The following LHFPL6 variants were observed in gnomAD, a reference collection of about 807,000 sequenced individuals.
LHFPL6 encodes LHFPL tetraspan subfamily member 6.
In LHFPL6, 9 loss-of-function variants were observed where a neutral mutation model predicts 20.6. The observed-to-expected ratio is 0.44, with a 90% CI of 0.26 to 0.76. The LOEUF (loss-of-function observed/expected upper bound fraction) is 0.76. Among genes scored for constraint, LHFPL6 ranks in the 30% least tolerant of loss-of-function variants. The probability of loss-of-function intolerance (pLI) is 0.20; values close to 1 mark genes in which losing one functional copy is unlikely to be tolerated. For synonymous variants in LHFPL6, 105 were observed against 98.7 expected (o/e 1.06, Z -0.38); for missense variants, 218 against 253.5 (o/e 0.86, Z 0.95).
At chr13:39,426,468 C>T (rs192181720) in intron 2 of LHFPL6, among the ~76,000 whole-genome samples, 26 of 152,254 alleles carry the variant, frequency 1.7e-4, no homozygotes, top group Middle Eastern at 3.4e-3. Context: ...GATCCACCCA[C>T]CTCGGCCTTC....
chr13:39,418,237 G>GA (rs1382502231), intron 2 of LHFPL6, among the ~76,000 whole-genome samples: 1 of 151,656 alleles, frequency 6.6e-6, no homozygotes, highest in Admixed American at 6.6e-5. Context: ...CATGGGATTT[G>GA]AAAAAAATGC....
chr13:39,431,318 A>T (rs1871793183), intron 2 of LHFPL6, among the ~76,000 whole-genome samples: 1 of 152,206 alleles, frequency 6.6e-6, no homozygotes, highest in African/African-American at 2.4e-5. Flanking sequence ...CTCCAGACAC[A>T]TCTGAACATC....
chr13:39,344,172 G>A lies in LHFPL6; in HGVS notation c.485-118C>T, dbSNP rs539979102. The A allele has an allele frequency of 3.8e-4, 265 of 690,062 alleles. 2 individuals are homozygous for A. Among genetic ancestry groups the A allele is most frequent in the Admixed American group, 5.7e-4 (21 of 36,908 alleles). 42.7% of individuals were successfully genotyped at this position (690,062 alleles called of 1,614,324 possible). On this transcript the variant is annotated intron_variant, in intron 3 of 3. Coordinates refer to ENST00000379589, the MANE Select transcript of LHFPL6 (RefSeq NM_005780.3). ...CACCCTTTAGGAATATGGTATCCTC[G>A]CTTAAATGGAATAATAATGTGCTGA... is the stretch of plus-strand genomic sequence containing the variant.
intron 2 of LHFPL6, among the ~76,000 whole-genome samples, chr13:39,390,357 G>A (rs1214121908): frequency 1.3e-5 from 2 of 151,954 alleles, no homozygotes; most frequent in South Asian, 2.1e-4. Context: ...AATTAGCCAC[G>A]CGTGGTGGTA....
chr13:39,449,271 T>C (rs750411902), intron 2 of LHFPL6, among the ~76,000 whole-genome samples: 11 of 152,210 alleles, frequency 7.2e-5, no homozygotes, highest in Non-Finnish European at 1.3e-4. Flanking sequence ...TGTACTTAAA[T>C]GGCAAACCAA....
chr13:39,371,374 AT>A lies in LHFPL6; in HGVS notation c.484+7053del, dbSNP rs1237795946. Among the ~76,000 whole-genome samples, 4 of 152,368 alleles carry A rather than the reference AT, an allele frequency of 2.6e-5. No individual in the cohort carries two copies. The East Asian group carries it at 7.7e-4, about 29-fold the overall frequency. On this transcript the variant is annotated intron_variant, in intron 3 of 3. Coordinates refer to ENST00000379589, the MANE Select transcript of LHFPL6 (RefSeq NM_005780.3). ...ATTAAATCAATTGGATAACCTGATTATAAAGCCCTTATGCTTAATGGGTAAA... is the reference window on the plus strand; with the variant it reads ...ATTAAATCAATTGGATAACCTGATTAAAAGCCCTTATGCTTAATGGGTAAA...
At chr13:39,506,192 T>C (rs990301804) in intron 2 of LHFPL6, among the ~76,000 whole-genome samples, 1 of 152,362 alleles carries the variant, frequency 6.6e-6, no homozygotes, top group Middle Eastern at 3.4e-3. Context: ...TATTCAGCTC[T>C]GGCTTCTGTG....
chr13:39,367,712 G>GA (rs1249532934), intron 3 of LHFPL6, among the ~76,000 whole-genome samples: 2 of 152,124 alleles, frequency 1.3e-5, no homozygotes, highest in African/African-American at 4.8e-5. Flanking sequence ...ATTCTCTCCA[G>GA]AAAAAAGCAC....
chr13:39,510,150 T>C lies in LHFPL6; in HGVS notation c.385+90682A>G, dbSNP rs539900344. Among the ~76,000 whole-genome samples, 31 of 152,314 alleles carry C rather than the reference T, an allele frequency of 2.0e-4. 1 individual carries two copies. In the South Asian group the frequency reaches 6.4e-3, roughly 32 times the overall value. ...GGTAACAATGAGGCGTAATGATAAA[T>C]ATGCATTGCTCTGGAGTCCTATACA... On this transcript the variant is annotated intron_variant, in intron 2 of 3. Transcript: ENST00000379589.
At chr13:39,348,079 G>A (rs1041630308) in intron 3 of LHFPL6, among the ~76,000 whole-genome samples, 26 of 152,330 alleles carry the variant, frequency 1.7e-4, no homozygotes, top group African/African-American at 5.8e-4. Context: ...GGCTATCAGA[G>A]GACAATGAGA....
chr13:39,568,343 T>C (rs188306073), intron 2 of LHFPL6, among the ~76,000 whole-genome samples: 1 of 152,214 alleles, frequency 6.6e-6, no homozygotes, highest in Admixed American at 6.5e-5. Flanking sequence ...TTGTGGTATA[T>C]GAATATTGGG....
At chr13:39,435,062 CAAAAAAAAAAAAAAAA>C (rs55701240) in intron 2 of LHFPL6, among the ~76,000 whole-genome samples, 1 of 53,358 alleles carries the variant, frequency 1.9e-5, no homozygotes, top group African/African-American at 8.4e-5. Flanking sequence ...GACTCCGTCT[CAAAAAAAAAAAAAAAA>C]AAAAAAAAAG....
At chr13:39,552,545 T>A (rs1346461780) in intron 2 of LHFPL6, among the ~76,000 whole-genome samples, 5 of 152,178 alleles carry the variant, frequency 3.3e-5, no homozygotes, top group Non-Finnish European at 5.9e-5. Flanking sequence ...AAGATTCCAC[T>A]TCATAAGGGA....
intron 2 of LHFPL6, among the ~76,000 whole-genome samples, chr13:39,431,332 A>C (rs1298288616): frequency 2.0e-5 from 3 of 152,174 alleles, no homozygotes. Context: ...GAACATCTGA[A>C]GGAACAAACT....
intron 2 of LHFPL6, among the ~76,000 whole-genome samples, chr13:39,526,329 G>A (rs2138490516): frequency 6.6e-6 from 1 of 152,152 alleles, no homozygotes; most frequent in South Asian, 2.1e-4. Flanking sequence ...AGATATACAT[G>A]ATACAGATAT....
chr13:39,513,520 G>A (rs768526057), intron 2 of LHFPL6, among the ~76,000 whole-genome samples: 2 of 152,162 alleles, frequency 1.3e-5, no homozygotes, highest in Admixed American at 6.5e-5. Context: ...AGAAAGTAAA[G>A]AAATAAGTCT....
intron 2 of LHFPL6, among the ~76,000 whole-genome samples, chr13:39,423,790 C>T (rs1285461128): frequency 6.6e-6 from 1 of 152,214 alleles, no homozygotes; most frequent in Non-Finnish European, 1.5e-5. Flanking sequence ...CTGGACCTCA[C>T]ATAAGTCATG....
rs56107415 is a variant in LHFPL6 at position 39,444,711 on chromosome 13, A to G, written c.386-66185T>C. 8.3e-3 allele frequency among the ~76,000 whole-genome samples: 1,267 copies of G among 152,322 alleles called. 6 individuals are homozygous for G. The highest frequency in any genetic ancestry group is 0.013 in the Non-Finnish European group (906 of 68,028). On this transcript the variant is annotated intron_variant, in intron 2 of 3. Coordinates refer to ENST00000379589, the MANE Select transcript of LHFPL6 (RefSeq NM_005780.3). The stretch of plus-strand genomic sequence containing the variant: ...TAATTCTGAAGGCACACAGAATGCA[A>G]GAGTTGTGGGGCCATGGCAGCCTCC...
chr13:39,597,107 C>A (rs560825114), intron 2 of LHFPL6, among the ~76,000 whole-genome samples: 1 of 152,310 alleles, frequency 6.6e-6, no homozygotes, highest in South Asian at 2.1e-4. Flanking sequence ...AGAACAGTGT[C>A]TAAGCAGGAA....
Sources: allele counts gnomAD v4.1 joint callset (sites outside exome capture counted in the v4.1 genomes callset), GRCh38; gene constraint gnomAD v4.1.1; transcripts MANE v1.5; gene names NCBI Gene and HGNC (gene_info 2026-07-23, HGNC 2026-07-21).